The following SBNO1 variants were observed in gnomAD, a reference collection of about 807,000 sequenced individuals.
SBNO1 encodes strawberry notch homolog 1.
SBNO1 carries 23 observed loss-of-function variants against 173.6 expected under a neutral mutation model. The ratio of observed to expected loss-of-function variants is 0.13; its 90% CI spans 0.10 to 0.19. The LOEUF (loss-of-function observed/expected upper bound fraction) is 0.19. Ranked by LOEUF, SBNO1 falls within the 10% of genes least tolerant of loss-of-function variation. SBNO1 has a pLI of 1.00. For synonymous variants in SBNO1, 632 were observed against 571.5 expected, an observed-to-expected ratio of 1.11 and a Z score of -1.51; for missense variants, 1,238 against 1,671.2, an observed-to-expected ratio of 0.74 and a Z score of 4.52.
rs978511827 is a variant in SBNO1 at position 123,291,207 on chromosome 12, A to G, written c.*4701T>C. On this transcript the variant is annotated 3_prime_UTR_variant, in exon 32 of 32. Coordinates refer to ENST00000602398, the MANE Select transcript of SBNO1 (RefSeq NM_001167856.3). ...GTTAAAAGCATAGGCCCGACTTCTT[A>G]AATAAACATAGGGAATTTGCTGCAG... is the stretch of plus-strand genomic sequence containing the variant. 2 of 152,230 alleles carry G rather than the reference A, an allele frequency of 1.3e-5. No individual in the cohort carries two copies. The highest frequency in any genetic ancestry group is 1.3e-4 in the Admixed American group (2 of 15,282). 9.4% of individuals were successfully genotyped at this position (152,230 alleles called of 1,614,324 possible).
intron 5 of SBNO1, among the ~76,000 whole-genome samples, chr12:123,339,740 T>C (rs894773075): frequency 2.0e-5 from 3 of 151,984 alleles, no homozygotes; most frequent in African/African-American, 7.3e-5. Context: ...TGAGCCAAGA[T>C]TGCACCACTA....
At chr12:123,330,197 C>A (rs1871054013) in intron 9 of SBNO1, among the ~76,000 whole-genome samples, 1 of 152,182 alleles carries the variant, frequency 6.6e-6, no homozygotes, top group African/African-American at 2.4e-5. Context: ...TGGTCACTTA[C>A]ACTGTTCAAT....
intron 1 of SBNO1, among the ~76,000 whole-genome samples, chr12:123,361,842 T>C (rs1875241032): frequency 6.6e-6 from 1 of 151,858 alleles, no homozygotes; most frequent in South Asian, 2.1e-4. Context: ...AAAGTGAAGA[T>C]TTATTTAAGA....
At chr12:123,328,919 T>C in intron 9 of SBNO1, 24 bp from the exon 10 acceptor site, 1 of 1,369,734 alleles carries the variant, frequency 7.3e-7, no homozygotes, top group South Asian at 1.3e-5. Flanking sequence ...GAAAAGAATT[T>C]AGTTAATTAG....
At chr12:123,349,573 G>T (rs1382023462) in intron 2 of SBNO1, among the ~76,000 whole-genome samples, 1 of 129,404 alleles carries the variant, frequency 7.7e-6, no homozygotes, top group Non-Finnish European at 1.5e-5. Flanking sequence ...TAATGTTTTG[G>T]TTTTCATTAT....
In SBNO1 at chr12:123,302,913, G is replaced by T; in HGVS notation, c.3769-13C>A. 6.3e-7 allele frequency: 1 copy of T among 1,596,176 alleles called. No homozygotes were observed. The highest frequency in any genetic ancestry group is 8.6e-7 in the Non-Finnish European group (1 of 1,164,020). ...CATCTGAGACGACCTGTAAAAATGA[G>T]AAGAATTTCATTGAAAACAGTATTG... On this transcript the variant is annotated splice_polypyrimidine_tract_variant and intron_variant, in intron 29 of 31. Coordinates refer to ENST00000602398, the MANE Select transcript of SBNO1 (RefSeq NM_001167856.3).
At chr12:123,301,840 C>T (rs1202333614) in intron 30 of SBNO1, among the ~76,000 whole-genome samples, 1 of 151,968 alleles carries the variant, frequency 6.6e-6, no homozygotes, top group Non-Finnish European at 1.5e-5. Context: ...GATTGCTGCA[C>T]TGTACTCCAG....
rs867826472 is a variant in SBNO1, at chr12:123,289,716, G to C, written c.*6192C>G. On this transcript the variant is annotated 3_prime_UTR_variant, in exon 32 of 32. Transcript: ENST00000602398. The stretch of plus-strand genomic sequence containing the variant: ...TGGTTATTGAAAAATCATATCAGTA[G>C]TTTGCAAATTCAGTATAAACCATGA... 6.6e-6 allele frequency: 1 copy of C among 152,328 alleles called. No individual in the cohort carries two copies. Among genetic ancestry groups the C allele is most frequent in the Middle Eastern group, 3.4e-3 (1 of 294 alleles). 9.4% of individuals were successfully genotyped at this position (152,328 alleles called of 1,614,324 possible). A position where few individuals can be genotyped will look rare whatever the true frequency, so the allele number is the denominator to read the frequency against.
intron 30 of SBNO1, among the ~76,000 whole-genome samples, chr12:123,301,138 G>A (rs1209340561): frequency 2.0e-5 from 3 of 151,896 alleles, no homozygotes; most frequent in Non-Finnish European, 4.4e-5. Context: ...CTCCCAAGTA[G>A]CTGGGATTAC....
At chr12:123,331,466 A>ATGTTT in intron 7 of SBNO1, 91 bp from the exon 8 acceptor site, 1 of 429,250 alleles carries the variant, frequency 2.3e-6, no homozygotes, top group Non-Finnish European at 3.5e-6. Flanking sequence ...GGAATATGTT[A>ATGTTT]TGTTTTTTGT....
At chr12:123,360,346 C>T (rs750800222) in intron 1 of SBNO1, among the ~76,000 whole-genome samples, 6 of 152,280 alleles carry the variant, frequency 3.9e-5, no homozygotes, top group Middle Eastern at 3.4e-3. Context: ...TAGGACTAGC[C>T]CTGAGTGTTC....
intron 23 of SBNO1, among the ~76,000 whole-genome samples, chr12:123,314,399 G>A (rs996186120): frequency 1.3e-5 from 2 of 151,150 alleles, no homozygotes; most frequent in Admixed American, 6.6e-5. Context: ...GTGTAAACTC[G>A]GCTCACTGCA....
chr12:123,297,197 T>TA (rs958823127), intron 31 of SBNO1, among the ~76,000 whole-genome samples: 28 of 149,708 alleles, frequency 1.9e-4, no homozygotes, highest in Non-Finnish European at 3.6e-4. Flanking sequence ...CCATCTCCAC[T>TA]AAAAAAATAT....
At position 123,341,007 on chromosome 12, in the gene SBNO1, C is replaced by A; in HGVS notation, c.632G>T (p.Arg211Met). The change falls in exon 5 of 32, where the codon AGG becomes ATG. Residue 211 changes from arginine to methionine, a missense_variant. Transcript: ENST00000602398. ...ARMWINDMKM[R>M]SFSPTMKVPV... ...ACTCACCATGGTTGGGGAAAAACTC[C>A]TCATCTTCATGTCGTTTATCCACAT... The A allele has an allele frequency of 6.3e-7, 1 of 1,595,980 alleles. No homozygotes were observed. The highest frequency in any genetic ancestry group is 1.3e-5 in the African/African-American group (1 of 74,174).
chr12:123,289,454 A>T lies in SBNO1; in HGVS notation c.*6454T>A, dbSNP rs1231314133. ...AGGAGCGATAACAAAAGGGAGATTTAAAAAAGAGAACCAAATGAAAACACA... is the reference window on the plus strand; with the variant it reads ...AGGAGCGATAACAAAAGGGAGATTTTAAAAAGAGAACCAAATGAAAACACA... On this transcript the variant is annotated 3_prime_UTR_variant, in exon 32 of 32. Coordinates refer to ENST00000602398, the MANE Select transcript of SBNO1 (RefSeq NM_001167856.3). The T allele has an allele frequency of 6.6e-6, 1 of 152,290 alleles. No homozygotes were observed. Among genetic ancestry groups the T allele is most frequent in the Non-Finnish European group, 1.5e-5 (1 of 68,066 alleles). 9.4% of individuals were successfully genotyped at this position (152,290 alleles called of 1,614,324 possible). A position where few individuals can be genotyped will look rare whatever the true frequency, so the allele number is the denominator to read the frequency against.
At chr12:123,311,544 G>A (rs79885827) in intron 24 of SBNO1, among the ~76,000 whole-genome samples, 7,234 of 151,764 alleles carry the variant, frequency 0.048, 305 homozygotes, top group East Asian at 0.25. Context: ...TAGTAGAGTC[G>A]GGGTTTCGCC....
chr12:123,320,922 T>G (rs1213465937), intron 17 of SBNO1, 56 bp from the exon 18 acceptor site: 3 of 1,339,158 alleles, frequency 2.2e-6, no homozygotes, highest in Non-Finnish European at 3.0e-6. Context: ...GTACAGAATC[T>G]TCAAAGGAAA....
chr12:123,329,018 A>C, intron 9 of SBNO1, 123 bp from the exon 10 acceptor site: 1 of 566,546 alleles, frequency 1.8e-6, no homozygotes, highest in Admixed American at 3.3e-5. Flanking sequence ...AGAAAACATA[A>C]AAGTACAGAG....
intron 24 of SBNO1, among the ~76,000 whole-genome samples, chr12:123,312,689 T>A (rs1256316481): frequency 1.4e-5 from 2 of 146,522 alleles, no homozygotes; most frequent in Non-Finnish European, 3.0e-5. Context: ...CCAGCCCAGG[T>A]GACAGCACGA....
Sources: gnomAD v4.1 joint callset for allele counts (sites outside exome capture counted in the v4.1 genomes callset) on GRCh38, gnomAD v4.1.1 for gene constraint, MANE v1.5 for transcripts, NCBI Gene and HGNC (gene_info 2026-07-23, HGNC 2026-07-21) for gene names.